The following RNF150 variants were observed in gnomAD, a reference collection of about 807,000 sequenced individuals.
RNF150 encodes ring finger protein 150.
Under a neutral mutation model 39.3 loss-of-function variants are expected in RNF150, and 24 were observed. That is an observed-to-expected ratio of 0.61 (90% CI 0.44 to 0.86). RNF150 has a LOEUF of 0.86. Among genes scored for constraint, RNF150 ranks in the 40% least tolerant of loss-of-function variants. The pLI, the probability that RNF150 is intolerant of heterozygous loss-of-function variation, is 0.00. For missense variants in RNF150, 502 were observed against 587.8 expected, an observed-to-expected ratio of 0.85 and a Z score of 1.51; for synonymous variants, 255 against 227.3, an observed-to-expected ratio of 1.12 and a Z score of -1.10.
chr4:141,065,013 G>A (rs1737396829), intron 1 of RNF150, among the ~76,000 whole-genome samples: 1 of 152,186 alleles, frequency 6.6e-6, no homozygotes, highest in Admixed American at 6.5e-5. Context: ...TCACAGGCAT[G>A]TGCTACTACG....
chr4:141,082,964 G>A (rs1448649993), intron 1 of RNF150, among the ~76,000 whole-genome samples: 3 of 152,098 alleles, frequency 2.0e-5, no homozygotes, highest in Non-Finnish European at 1.5e-5. Flanking sequence ...AGGTACAATA[G>A]GTAATCTGAA....
At chr4:141,063,137 TTTG>T (rs1737303933) in intron 1 of RNF150, among the ~76,000 whole-genome samples, 1 of 152,248 alleles carries the variant, frequency 6.6e-6, no homozygotes, top group Admixed American at 6.5e-5. Context: ...TGACATAATA[TTTG>T]TTGTTTAAAG....
At chr4:140,925,912 C>G in intron 5 of RNF150, 65 bp downstream of exon 5, 1 of 1,119,220 alleles carries the variant, frequency 8.9e-7, no homozygotes, top group Non-Finnish European at 1.4e-6. Context: ...ATAATGTTTT[C>G]TCCCTGCTTT....
intron 1 of RNF150, among the ~76,000 whole-genome samples, chr4:141,046,320 G>A (rs1246791684): frequency 6.6e-6 from 1 of 152,100 alleles, no homozygotes; most frequent in East Asian, 1.9e-4. Context: ...TCTTTAAATA[G>A]ACCGCATTCT....
chr4:140,895,650 T>C (rs1729915786), intron 6 of RNF150, among the ~76,000 whole-genome samples: 1 of 152,244 alleles, frequency 6.6e-6, no homozygotes, highest in African/African-American at 2.4e-5. Flanking sequence ...AGTTCTGTGT[T>C]GCAGATCTTA....
chr4:141,125,394 T>C (rs1341225987), intron 1 of RNF150, among the ~76,000 whole-genome samples: 1 of 152,218 alleles, frequency 6.6e-6, no homozygotes, highest in Non-Finnish European at 1.5e-5. Flanking sequence ...ATAATCTGCA[T>C]AGGATTTGAA....
At chr4:141,041,994 C>A (rs984020874) in intron 1 of RNF150, among the ~76,000 whole-genome samples, 1 of 152,020 alleles carries the variant, frequency 6.6e-6, no homozygotes, top group African/African-American at 2.4e-5. Flanking sequence ...TATATAATCA[C>A]AGGTCTCACT....
intron 1 of RNF150, among the ~76,000 whole-genome samples, chr4:141,181,815 G>A (rs952967525): frequency 2.0e-5 from 3 of 152,154 alleles, no homozygotes; most frequent in African/African-American, 7.2e-5. Context: ...AGCCACTCAT[G>A]TCATACCAAT....
At chr4:141,034,838 T>C (rs1352472920) in intron 1 of RNF150, among the ~76,000 whole-genome samples, 1 of 152,064 alleles carries the variant, frequency 6.6e-6, no homozygotes, top group Non-Finnish European at 1.5e-5. Context: ...CCCAAACAAG[T>C]ACAATAGTAA....
At chr4:140,871,002 CTATATA>C (rs762860233) in intron 6 of RNF150, among the ~76,000 whole-genome samples, 4 of 144,274 alleles carry the variant, frequency 2.8e-5, no homozygotes, top group Non-Finnish European at 6.0e-5. Flanking sequence ...CTCTCTCTCT[CTATATA>C]TATATATATG....
chr4:141,000,014 G>GAAAAGAAGAAAAGAAGAA (rs1419117767), intron 1 of RNF150, among the ~76,000 whole-genome samples: 3 of 32,440 alleles, frequency 9.2e-5, no homozygotes, highest in East Asian at 6.6e-4. Context: ...AGAAGAAGAA[G>GAAAAGAAGAAAAGAAGAA]AAGAAGAAGA....
intron 1 of RNF150, among the ~76,000 whole-genome samples, chr4:141,021,196 C>T (rs1442276988): frequency 6.6e-6 from 1 of 151,970 alleles, no homozygotes; most frequent in African/African-American, 2.4e-5. Context: ...GGCTGAGGAA[C>T]CCAATTAGGT....
chr4:140,964,634 G>A (rs1733162125), intron 2 of RNF150, among the ~76,000 whole-genome samples: 1 of 151,894 alleles, frequency 6.6e-6, no homozygotes, highest in South Asian at 2.1e-4. Flanking sequence ...AGTTGAATAA[G>A]GCGAAAACTT....
At chr4:141,145,706 AT>A (rs768750640) in intron 1 of RNF150, among the ~76,000 whole-genome samples, 48 of 152,212 alleles carry the variant, frequency 3.2e-4, no homozygotes, top group Non-Finnish European at 6.5e-4. Context: ...TCATTTTTGG[AT>A]GTATAAACCA....
rs139928832 is a variant in RNF150 at position 141,109,909 on chromosome 4, G to C, written c.484+22416C>G. Among the ~76,000 whole-genome samples, 465 of 152,264 alleles carry C rather than the reference G, an allele frequency of 3.1e-3. 1 individual carries two copies. Among genetic ancestry groups the C allele is most frequent in the African/African-American group, 9.9e-3 (412 of 41,556 alleles). ...TTGCCAATTTAGGTCTCCAAACATA[G>C]TGCCCAAACAGAAAGCAGTAGCCTC... On this transcript the variant is annotated intron_variant, in intron 1 of 6. Transcript: ENST00000515673.
chr4:140,942,018 T>G (rs533235231), intron 4 of RNF150, among the ~76,000 whole-genome samples: 1 of 152,308 alleles, frequency 6.6e-6, no homozygotes, highest in South Asian at 2.1e-4. Context: ...TGCTGTTTAG[T>G]GAATTCAGAG....
chr4:141,033,340 C>G (rs182174941), intron 1 of RNF150, among the ~76,000 whole-genome samples: 88 of 152,244 alleles, frequency 5.8e-4, no homozygotes, highest in Middle Eastern at 3.4e-3. Context: ...GGAGATTGTA[C>G]CAATTCAGTT....
chr4:141,059,207 T>C (rs1244093516), intron 1 of RNF150, among the ~76,000 whole-genome samples: 3 of 152,168 alleles, frequency 2.0e-5, no homozygotes, highest in Admixed American at 6.6e-5. Context: ...CTTTTCTCAC[T>C]GAGATTTTAT....
At chr4:140,968,008 A>G (rs1733318785) in intron 1 of RNF150, 135 bp from the exon 2 acceptor site, 3 of 731,904 alleles carry the variant, frequency 4.1e-6, no homozygotes, top group Non-Finnish European at 2.2e-6. Context: ...TGGGCTAAGA[A>G]GACCTAATAC....
Sources: allele counts gnomAD v4.1 joint callset (sites outside exome capture counted in the v4.1 genomes callset), GRCh38; gene constraint gnomAD v4.1.1; transcripts MANE v1.5; gene names NCBI Gene and HGNC (gene_info 2026-07-23, HGNC 2026-07-21).